The following WDR49 variants were observed in gnomAD, a reference collection of about 807,000 sequenced individuals.
WDR49 encodes WD repeat domain 49, also known as cilia- and flagella-associated protein 337.
Under a neutral mutation model 119.5 loss-of-function variants are expected in WDR49, and 107 were observed. The ratio of observed to expected loss-of-function variants is 0.90; its 90% CI spans 0.77 to 1.05. WDR49 has a LOEUF of 1.05. WDR49 is among the 50% of genes least tolerant of loss of function. The pLI is 0.00. For synonymous variants in WDR49, 425 were observed against 418.8 expected (o/e 1.01, Z -0.18); for missense variants, 1,240 against 1,220.5 (o/e 1.02, Z -0.24).
chr3:167,527,929 G>A lies in WDR49; in HGVS notation c.2495C>T (p.Ser832Phe). Reference protein sequence around the residue: ...SFQPHEDRISSLEMCEPGGQL... With the variant: ...SFQPHEDRISFLEMCEPGGQL... ...ACCACCTGGCTCACACATCTCTAAGGAACTTATTCGGTCCTCATGAGGTTG... is the reference window on the plus strand; with the variant it reads ...ACCACCTGGCTCACACATCTCTAAGAAACTTATTCGGTCCTCATGAGGTTG... Residue 832 changes from serine to phenylalanine, a missense_variant, in exon 15 of 19, where the codon TCC (serine) becomes TTC (phenylalanine). Ser to Phe is a radical substitution (Grantham distance 155). Coordinates refer to ENST00000682715, the MANE Select transcript of WDR49 (RefSeq NM_001366157.1). 5 of 1,613,328 alleles carry A rather than the reference G, an allele frequency of 3.1e-6. No individual in the cohort carries two copies. The highest frequency in any genetic ancestry group is 1.7e-5 in the Admixed American group (1 of 59,864).
chr3:167,519,695 T>C (rs1752357414), intron 16 of WDR49, among the ~76,000 whole-genome samples: 1 of 152,000 alleles, frequency 6.6e-6, no homozygotes, highest in African/African-American at 2.4e-5. Context: ...CTGGGTTTAA[T>C]ACTTAGGTTA....
chr3:167,628,115 A>G (rs1717214015), intron 2 of WDR49, among the ~76,000 whole-genome samples: 1 of 152,044 alleles, frequency 6.6e-6, no homozygotes, highest in Non-Finnish European at 1.5e-5. Context: ...AGTGTTGTGT[A>G]TGTTCTGATT....
At chr3:167,529,347 A>T (rs1322877320) in intron 13 of WDR49, 108 bp from the exon 14 acceptor site, 2 of 971,732 alleles carry the variant, frequency 2.1e-6, no homozygotes, top group Non-Finnish European at 3.0e-6. Flanking sequence ...AGAGGTGAGT[A>T]GCCCTGAGAT....
At chr3:167,548,688 TATTTTA>T (rs1712357343) in intron 10 of WDR49, among the ~76,000 whole-genome samples, 1 of 152,004 alleles carries the variant, frequency 6.6e-6, no homozygotes, top group Non-Finnish European at 1.5e-5. Flanking sequence ...ATATTTATTT[TATTTTA>T]TTTTAATTAT....
At chr3:167,537,048 G>A in intron 10 of WDR49, 48 bp from the exon 11 acceptor site, 1 of 1,508,862 alleles carries the variant, frequency 6.6e-7, no homozygotes, top group Non-Finnish European at 8.9e-7. Context: ...AATTGATGTA[G>A]ACATTGAGTA....
intron 6 of WDR49, among the ~76,000 whole-genome samples, chr3:167,603,329 C>T (rs1185503569): frequency 6.6e-6 from 1 of 152,062 alleles, no homozygotes; most frequent in Non-Finnish European, 1.5e-5. Context: ...ATTAACCAAT[C>T]AATAAATTAA....
At chr3:167,655,330 G>T (rs545130153), upstream of WDR49, among the ~76,000 whole-genome samples, 1 of 152,250 alleles carries the variant, frequency 6.6e-6, no homozygotes, top group East Asian at 1.9e-4. Context: ...ATTTGGGTGG[G>T]GACACTGCCC....
intron 3 of WDR49, among the ~76,000 whole-genome samples, chr3:167,624,441 C>A (rs1255339833): frequency 1.3e-5 from 2 of 151,584 alleles, no homozygotes; most frequent in African/African-American, 4.8e-5. Context: ...TGACCAAAAG[C>A]AGATCAGTGC....
intron 16 of WDR49, among the ~76,000 whole-genome samples, chr3:167,506,500 T>A (rs1052414154): frequency 1.3e-5 from 2 of 152,236 alleles, no homozygotes; most frequent in Admixed American, 1.3e-4. Context: ...CTCTTAAACT[T>A]AATATCAAAT....
At chr3:167,587,702 T>C (rs140690532) in intron 7 of WDR49, among the ~76,000 whole-genome samples, 3 of 152,280 alleles carry the variant, frequency 2.0e-5, no homozygotes, top group Admixed American at 6.5e-5. Context: ...TAGGCTGATC[T>C]TGAACTCCTG....
At chr3:167,521,869 G>A (rs552930769) in intron 16 of WDR49, among the ~76,000 whole-genome samples, 63 of 152,058 alleles carry the variant, frequency 4.1e-4, no homozygotes, top group Non-Finnish European at 7.8e-4. Context: ...TTAAGGAAGT[G>A]ATGTCTAACT....
chr3:167,493,369 C>T (rs545023243), intron 18 of WDR49, among the ~76,000 whole-genome samples: 30 of 152,294 alleles, frequency 2.0e-4, no homozygotes, highest in Admixed American at 5.2e-4. Flanking sequence ...CTGTGTGACT[C>T]TTCCCTGTGA....
At chr3:167,656,493 A>G (rs1368561074), upstream of WDR49, among the ~76,000 whole-genome samples, 3 of 152,198 alleles carry the variant, frequency 2.0e-5, no homozygotes, top group Non-Finnish European at 4.4e-5. Context: ...CCACTGGCTG[A>G]CAATGCAAAA....
chr3:167,534,949 C>T (rs61454728), intron 11 of WDR49, among the ~76,000 whole-genome samples: 241 of 152,208 alleles, frequency 1.6e-3, no homozygotes, highest in African/African-American at 5.4e-3. Context: ...CCTGACAGCC[C>T]TAAAGCTGCT....
intron 18 of WDR49, among the ~76,000 whole-genome samples, chr3:167,492,371 A>T (rs2108200381): frequency 6.6e-6 from 1 of 152,236 alleles, no homozygotes; most frequent in South Asian, 2.1e-4. Context: ...TAAACACCTG[A>T]GTCAGTTTTT....
chr3:167,532,420 T>A (rs1475002620), intron 12 of WDR49, among the ~76,000 whole-genome samples: 3 of 152,158 alleles, frequency 2.0e-5, no homozygotes, highest in African/African-American at 7.2e-5. Context: ...CCATCTAATG[T>A]TCCTCATGGG....
At chr3:167,558,010 G>C (rs546730810) in intron 9 of WDR49, among the ~76,000 whole-genome samples, 2 of 152,186 alleles carry the variant, frequency 1.3e-5, no homozygotes, top group East Asian at 3.9e-4. Flanking sequence ...CAGCTACTCA[G>C]GAGGAGGCTG....
At chr3:167,588,721 T>G (rs1187539329) in intron 7 of WDR49, among the ~76,000 whole-genome samples, 1 of 152,160 alleles carries the variant, frequency 6.6e-6, no homozygotes, top group East Asian at 1.9e-4. Flanking sequence ...CATATGCCTG[T>G]TTGCCATTTG....
At chr3:167,498,961 G>C (rs1751460843) in intron 18 of WDR49, among the ~76,000 whole-genome samples, 1 of 152,194 alleles carries the variant, frequency 6.6e-6, no homozygotes, top group South Asian at 2.1e-4. Context: ...TGCCAAAGTG[G>C]CATATTTTGG....
Sources: allele counts gnomAD v4.1 joint callset (sites outside exome capture counted in the v4.1 genomes callset), GRCh38; gene constraint gnomAD v4.1.1; transcripts MANE v1.5; gene names NCBI Gene and HGNC (gene_info 2026-07-23, HGNC 2026-07-21).